Variants in MYL2 observed in about 807,000 individuals in gnomAD.
MYL2 encodes the protein myosin light chain 2, also known as myosin regulatory light chain 2, ventricular/cardiac muscle isoform.
In MYL2, 19 loss-of-function variants were observed where a neutral mutation model predicts 23.0. The observed-to-expected ratio is 0.83, with a 90% CI of 0.58 to 1.21. The LOEUF is 1.21. MYL2 is among the 50% of genes most tolerant of loss of function. The probability of loss-of-function intolerance (pLI) is 0.00; values close to 1 mark genes in which losing one functional copy is unlikely to be tolerated. For missense variants in MYL2, 180 were observed against 215.1 expected, an observed-to-expected ratio of 0.84 and a Z score of 1.02; for synonymous variants, 78 against 76.2, an observed-to-expected ratio of 1.02 and a Z score of -0.13.
intron 1 of MYL2, 113 bp downstream of exon 1, chr12:110,920,414 G>C: frequency 6.6e-7 from 1 of 1,505,186 alleles, no homozygotes; most frequent in Non-Finnish European, 9.2e-7. Context: ...TTCCACAAGG[G>C]GCTGGAGGCT....
At chr12:110,920,609 C>T (rs1034696242), upstream of MYL2, 3 of 1,606,278 alleles carry the variant, frequency 1.9e-6, no homozygotes, top group Admixed American at 5.0e-5. Context: ...ACAATAAATA[C>T]TTCCTCCCCA....
At chr12:110,917,037 G>T (rs1428640032) in intron 2 of MYL2, among the ~76,000 whole-genome samples, 6 of 151,722 alleles carry the variant, frequency 4.0e-5, no homozygotes, top group Non-Finnish European at 8.8e-5. Flanking sequence ...GTAGAGTCAG[G>T]GTTTCACCAC....
chr12:110,914,324 G>T, intron 3 of MYL2, 34 bp from the exon 4 acceptor site: 1 of 1,497,808 alleles, frequency 6.7e-7, no homozygotes, highest in Non-Finnish European at 9.3e-7. Context: ...GGGACTCCGA[G>T]CTGGGGAGAA....
chr12:110,918,508 G>T lies in MYL2; in HGVS notation c.93+596C>A, dbSNP rs979521861. On this transcript the variant is annotated intron_variant, in intron 2 of 6. Transcript: ENST00000228841. This position sits in a 1 kb window ranked among gnomAD's most constrained non-coding sequence, Gnocchi z 4.4. ...GGACCAGCAGTTCTGCCTGTTTTTA[G>T]TTCTTTTGTTGTTGTTGTTTTAAGT... 6.6e-6 allele frequency among the ~76,000 whole-genome samples: 1 copy of T among 152,136 alleles called. No individual in the cohort carries two copies. Among genetic ancestry groups the T allele is most frequent in the Non-Finnish European group, 1.5e-5 (1 of 68,030 alleles).
chr12:110,921,203 GA>G (rs34565234), upstream of MYL2, among the ~76,000 whole-genome samples: 1 of 151,002 alleles, frequency 6.6e-6, no homozygotes, highest in Non-Finnish European at 1.5e-5. Context: ...CTACGCAAAA[GA>G]AAAAAAAATA....
In MYL2 at chr12:110,915,781, T is replaced by G; in HGVS notation, c.103A>C (p.Ile35Leu). ...AAGCCATCCCTGTTCTGGTCCATGA[T>G]AGTGAAGGCCTGTGGAAGGGAAGTG... ...QIQEFKEAFTIMDQNRDGFID... is the reference protein window; with the variant it reads ...QIQEFKEAFTLMDQNRDGFID... The change falls in exon 3 of 7, where the codon ATC becomes CTC. Residue 35 changes from isoleucine to leucine, a missense_variant. Ile to Leu is a conservative substitution (Grantham distance 5, BLOSUM62 2). Coordinates refer to ENST00000228841, the MANE Select transcript of MYL2 (RefSeq NM_000432.4). The G allele has an allele frequency of 6.2e-7, 1 of 1,614,096 alleles. No homozygotes were observed. Among genetic ancestry groups the G allele is most frequent in the Non-Finnish European group, 8.5e-7 (1 of 1,179,990 alleles).
intron 2 of MYL2, among the ~76,000 whole-genome samples, chr12:110,916,942 G>A (rs1054997920): frequency 3.3e-5 from 5 of 152,032 alleles, no homozygotes; most frequent in East Asian, 1.9e-4. Flanking sequence ...TCCGCCTCCC[G>A]GGTTCAAGCG....
At chr12:110,913,468 G>A in intron 4 of MYL2, 144 bp from the exon 5 acceptor site, 2 of 798,360 alleles carry the variant, frequency 2.5e-6, no homozygotes, top group Non-Finnish European at 4.3e-6. Flanking sequence ...GCTTTCGTCT[G>A]ATCACTGAGC....
chr12:110,917,013 C>T (rs546299791), intron 2 of MYL2, among the ~76,000 whole-genome samples: 13 of 152,010 alleles, frequency 8.6e-5, no homozygotes, highest in South Asian at 2.1e-4. Flanking sequence ...CAATGCCCAG[C>T]TTATTTTTCT....
intron 6 of MYL2, among the ~76,000 whole-genome samples, chr12:110,911,601 C>T (rs2071653549): frequency 6.6e-6 from 1 of 152,184 alleles, no homozygotes; most frequent in African/African-American, 2.4e-5. Flanking sequence ...CCTTCCCTGA[C>T]CCCAAGGGCC....
chr12:110,915,906 G>T (rs771183638), intron 2 of MYL2, 116 bp from the exon 3 acceptor site: 112 of 847,034 alleles, frequency 1.3e-4, no homozygotes, highest in Non-Finnish European at 2.2e-4. Context: ...ATCATTGTAG[G>T]ACCTCAGATT....
chr12:110,916,458 G>T (rs1460081650), intron 2 of MYL2, among the ~76,000 whole-genome samples: 1 of 152,164 alleles, frequency 6.6e-6, no homozygotes, highest in Admixed American at 6.5e-5. Flanking sequence ...AACCAAATGT[G>T]GTCTGTCCAT....
At chr12:110,915,448 A>AT (rs1007444549) in intron 3 of MYL2, among the ~76,000 whole-genome samples, 4 of 152,132 alleles carry the variant, frequency 2.6e-5, no homozygotes, top group African/African-American at 4.8e-5. Flanking sequence ...ACTTTTCTGC[A>AT]TTTTTTCCCC....
intron 2 of MYL2, 76 bp downstream of exon 2, chr12:110,919,028 A>G: frequency 9.4e-6 from 13 of 1,376,568 alleles, no homozygotes; most frequent in African/African-American, 1.4e-5. Flanking sequence ...CCCTGCTGGG[A>G]ATATGGAACA....
chr12:110,913,826 C>T (rs555736354), intron 4 of MYL2, among the ~76,000 whole-genome samples: 59 of 152,314 alleles, frequency 3.9e-4, no homozygotes, highest in African/African-American at 1.4e-3. Flanking sequence ...AATGTCAGCT[C>T]ACTGCAACCT....
chr12:110,912,986 TTC>T, intron 6 of MYL2, 108 bp downstream of exon 6: 3 of 1,195,176 alleles, frequency 2.5e-6, no homozygotes, highest in Non-Finnish European at 3.8e-6. Flanking sequence ...CGATAGCTGG[TTC>T]TCTGTCAGTG....
intron 6 of MYL2, among the ~76,000 whole-genome samples, chr12:110,911,538 C>T (rs1432237460): frequency 6.6e-6 from 1 of 152,188 alleles, no homozygotes; most frequent in Non-Finnish European, 1.5e-5. Context: ...CCTTCATGCA[C>T]TTTTCCTTCC....
chr12:110,920,642 C>A, upstream of MYL2: 1 of 1,538,286 alleles, frequency 6.5e-7, no homozygotes, highest in East Asian at 2.2e-5. Flanking sequence ...ACCCCATGAC[C>A]GCTTTTGGCA....
At chr12:110,911,848 T>C (rs755832632) in intron 6 of MYL2, among the ~76,000 whole-genome samples, 9 of 152,240 alleles carry the variant, frequency 5.9e-5, no homozygotes, top group Non-Finnish European at 1.3e-4. Context: ...AAGCATTGGC[T>C]AGTTATTATT....
Sources: allele counts gnomAD v4.1 joint callset (sites outside exome capture counted in the v4.1 genomes callset), GRCh38; gene constraint gnomAD v4.1.1; non-coding constraint Gnocchi (gnomAD v3.1); transcripts MANE v1.5; gene names NCBI Gene and HGNC (gene_info 2026-07-23, HGNC 2026-07-21).